The following TGOLN2 variants were observed in gnomAD, a reference collection of about 807,000 sequenced individuals.
TGOLN2 encodes the protein trans-golgi network protein 2, also known as trans-Golgi network integral membrane protein 2.
A neutral mutation model predicts 31.3 loss-of-function variants in TGOLN2; 19 were observed. That is an observed-to-expected ratio of 0.61 (90% CI 0.42 to 0.89). The LOEUF (loss-of-function observed/expected upper bound fraction) is 0.89, where lower values mean the gene tolerates loss of function less well. TGOLN2 is among the 40% of genes least tolerant of loss of function. The pLI is 0.00. For missense variants in TGOLN2, 540 were observed against 559.2 expected (o/e 0.97, Z 0.35); for synonymous variants, 222 against 226.7 (o/e 0.98, Z 0.19).
chr2:85,321,274 A>C lies in TGOLN2; in HGVS notation c.*1462T>G, dbSNP rs1682537391. 1 of 152,688 alleles carries C rather than the reference A, an allele frequency of 6.5e-6. No individual in the cohort carries two copies. Among genetic ancestry groups the C allele is most frequent in the Non-Finnish European group, 1.5e-5 (1 of 68,058 alleles). The allele number at this position is 152,688 out of a possible 1,614,324, so 9.5% of individuals were successfully genotyped here. The stretch of plus-strand genomic sequence containing the variant: ...AATGACCCAAGAAGGGTAGGAGTTC[A>C]TTCCTTACCTTCATAAAGTAGGCTA... On this transcript the variant is annotated 3_prime_UTR_variant, in exon 4 of 4. Transcript: ENST00000377386.
In TGOLN2 at chr2:85,318,087, A is replaced by G; in HGVS notation, c.*4649T>C. ...TTCAACAAAACCAAACCACATTGGG[A>G]TGGCATTTACAGAAGCTCAGAAAAA... On this transcript the variant is annotated 3_prime_UTR_variant, in exon 4 of 4. Transcript: ENST00000377386. The G allele has an allele frequency of 6.6e-6, 1 of 152,194 alleles. No homozygotes were observed. Among genetic ancestry groups the G allele is most frequent in the East Asian group, 1.9e-4 (1 of 5,202 alleles). 9.4% of individuals were successfully genotyped at this position (152,194 alleles called of 1,614,324 possible).
Position 85,327,370 on chromosome 2 carries a change from T to C in TGOLN2, c.362A>G (p.Asp121Gly). 1 of 1,609,682 alleles carries C rather than the reference T, an allele frequency of 6.2e-7. No individual in the cohort carries two copies. Among genetic ancestry groups the C allele is most frequent in the Non-Finnish European group, 8.5e-7 (1 of 1,178,882 alleles). The change falls in exon 2 of 4, where the codon GAC (aspartate) becomes GGC (glycine). Residue 121 changes from aspartate to glycine, a missense_variant. Physicochemically the swap from Asp to Gly is moderately conservative, Grantham distance 94. Coordinates refer to ENST00000377386, the MANE Select transcript of TGOLN2 (RefSeq NM_006464.4). ...CTCCGGATGCGACTTACTAGTGCTG[T>C]CTTTTGTGGTCTGCGCCTCCGAACC... is the stretch of plus-strand genomic sequence containing the variant. The part of the protein sequence containing the change: ...KSGSEAQTTK[D>G]STSKSHPELQ...
chr2:85,321,741 G>C lies in TGOLN2; in HGVS notation c.*995C>G, dbSNP rs1007787788. ...TAATAAATCTAAGTCTATTTTGTCT[G>C]TTTTAGGCAACAAAGGCAAAATGGA... is the stretch of plus-strand genomic sequence containing the variant. On this transcript the variant is annotated 3_prime_UTR_variant, in exon 4 of 4. Transcript: ENST00000377386. The C allele has an allele frequency of 6.6e-6, 1 of 152,170 alleles. No individual in the cohort carries two copies. Among genetic ancestry groups the C allele is most frequent in the Non-Finnish European group, 1.5e-5 (1 of 68,030 alleles). 9.4% of individuals were successfully genotyped at this position (152,170 alleles called of 1,614,324 possible). A position where few individuals can be genotyped will look rare whatever the true frequency, so the allele number is the denominator to read the frequency against.
At chr2:85,327,707 G>C in intron 1 of TGOLN2, 22 bp from the exon 2 acceptor site, 2 of 1,503,012 alleles carry the variant, frequency 1.3e-6, no homozygotes, top group Non-Finnish European at 1.8e-6. Flanking sequence ...AAACGAGTTA[G>C]CACCGGAGAA....
intron 1 of TGOLN2, 43 bp downstream of exon 1, chr2:85,327,874 G>T: frequency 6.3e-7 from 1 of 1,588,034 alleles, no homozygotes; most frequent in Non-Finnish European, 8.6e-7. Flanking sequence ...GTGAGAATGG[G>T]GGATCTGGGG....
rs372627183 is a variant in TGOLN2 at position 85,327,468 on chromosome 2, T to C, written c.264A>G (p.Ala88=). Residue 88 remains alanine, a synonymous_variant, in exon 2 of 4, where the codon GCA becomes GCG. Transcript: ENST00000377386. ...TGTTGGAGCTGTCTTTTTGGGTCTT[T>C]GCCTCCGCACCCGACTTGTTGGGGG... is the stretch of plus-strand genomic sequence containing the variant. The part of the protein sequence containing the change: ...EDTPNKSGAE[A]KTQKDSSNKS... 8.7e-6 allele frequency: 14 copies of C among 1,606,318 alleles called. No individual in the cohort carries two copies. Among genetic ancestry groups the C allele is most frequent in the Non-Finnish European group, 1.2e-5 (14 of 1,176,684 alleles).
Position 85,326,652 on chromosome 2 carries a change from C to A in TGOLN2, c.1080G>T (p.Ser360=), listed in dbSNP as rs1408922316. The A allele has an allele frequency of 6.2e-7, 1 of 1,614,018 alleles. No homozygotes were observed. The highest frequency in any genetic ancestry group is 1.3e-5 in the African/African-American group (1 of 75,048). The change falls in exon 2 of 4, where the codon TCG becomes TCT. Residue 360 remains serine (S), a synonymous_variant. Coordinates refer to ENST00000377386, the MANE Select transcript of TGOLN2 (RefSeq NM_006464.4). ...CATCCTTCTCGCTACCCGTGGAATCCGAAAGTGTCCCTTCACGGTTCTCAC... is the reference window on the plus strand; with the variant it reads ...CATCCTTCTCGCTACCCGTGGAATCAGAAAGTGTCCCTTCACGGTTCTCAC... ...ASSENREGTL[S]DSTGSEKDDL...
At position 85,318,467 on chromosome 2, in the gene TGOLN2, A is replaced by T. The variant is rs1196208172; in HGVS notation, c.*4269T>A. ...ACTGTTAGCTCTGGATATACCGTTA[A>T]ATTAAACCTCAAAATCTCTCCCCAG... On this transcript the variant is annotated 3_prime_UTR_variant, in exon 4 of 4. Coordinates refer to ENST00000377386, the MANE Select transcript of TGOLN2 (RefSeq NM_006464.4). 6.6e-6 allele frequency: 1 copy of T among 152,228 alleles called. No individual in the cohort carries two copies. The highest frequency in any genetic ancestry group is 2.4e-5 in the African/African-American group (1 of 41,460). 9.4% of individuals were successfully genotyped at this position (152,228 alleles called of 1,614,324 possible). A position where few individuals can be genotyped will look rare whatever the true frequency, so the allele number is the denominator to read the frequency against.
rs77245960 is a variant in TGOLN2 at position 85,325,016 on chromosome 2, A to G, written c.1225-18T>C. 3.2e-5 allele frequency: 50 copies of G among 1,550,938 alleles called. No homozygotes were observed. Among genetic ancestry groups the G allele is most frequent in the Non-Finnish European group, 4.3e-5 (49 of 1,146,260 alleles). Reference sequence around the variant, plus strand: ...GCAATGATCTGAGGAAAGGAAAAAGAAAATGATTAACAGGTGGCTCTGTAA... The same window carrying G: ...GCAATGATCTGAGGAAAGGAAAAAGGAAATGATTAACAGGTGGCTCTGTAA... On this transcript the variant is annotated intron_variant, in intron 2 of 3. Transcript: ENST00000377386.
Position 85,327,958 on chromosome 2 carries a change from C to A in TGOLN2, c.5G>T (p.Arg2Leu). The change falls in exon 1 of 4, where the codon CGG (arginine) becomes CTG (leucine). Residue 2 changes from arginine to leucine, a missense_variant. By Grantham distance (102) the Arg-to-Leu change is moderately radical. Coordinates refer to ENST00000377386, the MANE Select transcript of TGOLN2 (RefSeq NM_006464.4). The stretch of plus-strand genomic sequence containing the variant: ...CAGGAGGACCAAGGCAACCACGAAC[C>A]GCATCCTGCTCGGATAGCGCTTCCG... Reference protein sequence around the residue: MRFVVALVLLNV... With the variant: MLFVVALVLLNV... The A allele has an allele frequency of 6.3e-7, 1 of 1,595,980 alleles. No homozygotes were observed. The highest frequency in any genetic ancestry group is 8.5e-7 in the Non-Finnish European group (1 of 1,171,798).
chr2:85,327,172 T>C lies in TGOLN2; in HGVS notation c.560A>G (p.Gln187Arg). 6.2e-7 allele frequency: 1 copy of C among 1,613,814 alleles called. No homozygotes were observed. Among genetic ancestry groups the C allele is most frequent in the African/African-American group, 1.3e-5 (1 of 74,938 alleles). Residue 187 changes from glutamine to arginine, a missense_variant, in exon 2 of 4, where the codon CAG becomes CGG. Physicochemically the swap from Gln to Arg is conservative, Grantham distance 43 (BLOSUM62 1). Coordinates refer to ENST00000377386, the MANE Select transcript of TGOLN2 (RefSeq NM_006464.4). The stretch of plus-strand genomic sequence containing the variant: ...CTTGCTGGAGCCGTCTTTTGGGGTC[T>C]GGCCGTCCGCACCCGACTTATTAGG... ...DVPNKSGADG[Q>R]TPKDGSSKSG...
chr2:85,323,592 A>G (rs1318885676), intron 3 of TGOLN2, among the ~76,000 whole-genome samples: 1 of 152,202 alleles, frequency 6.6e-6, no homozygotes, highest in Non-Finnish European at 1.5e-5. Context: ...AAATCATAAA[A>G]GGGGGAAAAC....
Position 85,320,012 on chromosome 2 carries a change from G to C in TGOLN2, c.*2724C>G, listed in dbSNP as rs1237817342. The C allele has an allele frequency of 3.9e-5, 6 of 152,304 alleles. No individual in the cohort carries two copies. Among genetic ancestry groups the C allele is most frequent in the African/African-American group, 1.4e-4 (6 of 41,456 alleles). The allele number at this position is 152,304 out of a possible 1,614,324, so 9.4% of individuals were successfully genotyped here. On this transcript the variant is annotated 3_prime_UTR_variant, in exon 4 of 4. Coordinates refer to ENST00000377386, the MANE Select transcript of TGOLN2 (RefSeq NM_006464.4). ...GAAGGTGTATGAGGAAACAAACTGG[G>C]CCCTGACGAAACAGGCGGATTGGGG...
At chr2:85,327,783 T>TGGG in intron 1 of TGOLN2, 98 bp from the exon 2 acceptor site, 1 of 275,142 alleles carries the variant, frequency 3.6e-6, no homozygotes, top group Non-Finnish European at 6.1e-6. Context: ...GAATGGGGAT[T>TGGG]GGGGGGTGGG....
chr2:85,324,652 C>G, intron 3 of TGOLN2: 1 of 481,152 alleles, frequency 2.1e-6, no homozygotes, highest in South Asian at 3.8e-5. Context: ...AAGAGTGTTT[C>G]TGCGTGGGCC....
rs190850766 is a variant in TGOLN2 at position 85,323,174 on chromosome 2, G to A, written c.1309-433C>T. Among the ~76,000 whole-genome samples the A allele has an allele frequency of 5.7e-4, 87 of 152,280 alleles. No homozygotes were observed. In the East Asian group the frequency reaches 0.013, roughly 22 times the overall value. ...GTAGAGATGGTATTTCACCATGTTG[G>A]CCAGACTGATCTAGAACTCCTGACC... On this transcript the variant is annotated intron_variant, in intron 3 of 3. Coordinates refer to ENST00000377386, the MANE Select transcript of TGOLN2 (RefSeq NM_006464.4).
chr2:85,326,500 C>T lies in TGOLN2; in HGVS notation c.1224+8G>A, dbSNP rs368627202. 1.2e-5 allele frequency: 19 copies of T among 1,607,896 alleles called. No individual in the cohort carries two copies. The highest frequency in any genetic ancestry group is 6.7e-5 in the Admixed American group (4 of 59,886). ...CCACTCCCCTCCGGAAGGCCGCTGTCGACTTACCTTCCGCTTGTTGTGATG... is the reference window on the plus strand; with the variant it reads ...CCACTCCCCTCCGGAAGGCCGCTGTTGACTTACCTTCCGCTTGTTGTGATG... On this transcript the variant is annotated splice_region_variant and intron_variant, in intron 2 of 3. Transcript: ENST00000377386.
rs879133627 is a variant in TGOLN2, at chr2:85,327,084, A to G, written c.648T>C (p.Thr216=). 6.3e-7 allele frequency: 1 copy of G among 1,597,588 alleles called. No homozygotes were observed. The change falls in exon 2 of 4, where the codon ACT becomes ACC. Residue 216 remains threonine, a synonymous_variant. Coordinates refer to ENST00000377386, the MANE Select transcript of TGOLN2 (RefSeq NM_006464.4). ...VPNKSGAEKQ[T]PKDGSNKSGA... ...CGGACTTGTTAGAGCCGTCTTTTGG[A>G]GTCTGCTTCTCCGCACCCGACTTGT...
intron 1 of TGOLN2, 59 bp from the exon 2 acceptor site, chr2:85,327,744 AGAACTGGAAGAG>A: frequency 7.4e-7 from 1 of 1,354,460 alleles, no homozygotes; most frequent in Non-Finnish European, 1.0e-6. Flanking sequence ...GGAACTCCTC[AGAACTGGAAGAG>A]ATCGGGAGCA....
Sources: allele counts gnomAD v4.1 joint callset (sites outside exome capture counted in the v4.1 genomes callset), GRCh38; gene constraint gnomAD v4.1.1; transcripts MANE v1.5; gene names NCBI Gene and HGNC (gene_info 2026-07-23, HGNC 2026-07-21).